The following GRID1 variants were observed in gnomAD, a reference collection of about 807,000 sequenced individuals.
GRID1 encodes glutamate receptor ionotropic, delta-1.
In GRID1, 28 loss-of-function variants were observed where a neutral mutation model predicts 98.0. The observed-to-expected ratio is 0.29, with a 90% CI of 0.21 to 0.39. GRID1 has a LOEUF of 0.39. GRID1 is among the 10% of genes least tolerant of loss of function. The probability of loss-of-function intolerance (pLI) is 1.00; values close to 1 mark genes in which losing one functional copy is unlikely to be tolerated. For missense variants in GRID1, 1,111 were observed against 1,340.5 expected (o/e 0.83, Z 2.67); for synonymous variants, 553 against 538.5 (o/e 1.03, Z -0.37).
chr10:85,903,755 CTG>C (rs1192201530), intron 5 of GRID1, among the ~76,000 whole-genome samples: 1 of 152,216 alleles, frequency 6.6e-6, no homozygotes, highest in East Asian at 1.9e-4. Context: ...ACACTGGCCT[CTG>C]TGCCATTCCT....
chr10:86,128,774 C>A (rs113306475), intron 4 of GRID1, among the ~76,000 whole-genome samples: 1 of 152,178 alleles, frequency 6.6e-6, no homozygotes, highest in Non-Finnish European at 1.5e-5. Context: ...CTTTTCTCAA[C>A]GCCCTTCATG....
chr10:86,193,661 T>G (rs1235128000), intron 3 of GRID1, among the ~76,000 whole-genome samples: 1 of 151,974 alleles, frequency 6.6e-6, no homozygotes, highest in African/African-American at 2.4e-5. Flanking sequence ...CACCATTTCC[T>G]CATTAGTCCC....
intron 4 of GRID1, among the ~76,000 whole-genome samples, chr10:86,037,448 C>T (rs1332815776): frequency 6.6e-6 from 1 of 152,188 alleles, no homozygotes; most frequent in Non-Finnish European, 1.5e-5. Flanking sequence ...ACTGTGAGGA[C>T]TGATGTGCTA....
intron 6 of GRID1, 104 bp from the exon 7 acceptor site, chr10:85,856,294 T>C: frequency 9.9e-7 from 1 of 1,010,660 alleles, no homozygotes; most frequent in Non-Finnish European, 1.5e-6. Flanking sequence ...AACATTAAGC[T>C]GTGGTGCCCA....
intron 4 of GRID1, among the ~76,000 whole-genome samples, chr10:85,976,033 C>T (rs1842468206): frequency 6.6e-6 from 1 of 152,190 alleles, no homozygotes; most frequent in African/African-American, 2.4e-5. Context: ...ACCAGCTCAT[C>T]ACGGGGTGGG....
chr10:85,874,820 T>C (rs1008518213), intron 5 of GRID1, among the ~76,000 whole-genome samples: 2 of 152,152 alleles, frequency 1.3e-5, no homozygotes, highest in Admixed American at 6.5e-5. Flanking sequence ...TCTTTGAATA[T>C]TGGCTATTTT....
At chr10:85,877,338 C>T (rs1006414612) in intron 5 of GRID1, among the ~76,000 whole-genome samples, 2 of 152,252 alleles carry the variant, frequency 1.3e-5, no homozygotes, top group African/African-American at 4.8e-5. Flanking sequence ...AGCAGCCTAA[C>T]TGGGAGGCAC....
intron 4 of GRID1, among the ~76,000 whole-genome samples, chr10:86,075,126 C>T (rs985551020): frequency 2.0e-5 from 3 of 146,356 alleles, no homozygotes; most frequent in Admixed American, 6.9e-5. Context: ...GAAGGCTCCT[C>T]GTTTGTCACT....
At chr10:86,081,175 G>C (rs1843973498) in intron 4 of GRID1, among the ~76,000 whole-genome samples, 1 of 152,156 alleles carries the variant, frequency 6.6e-6, no homozygotes, top group African/African-American at 2.4e-5. Context: ...CTGTCGCCCA[G>C]GCTGGCCCAG....
chr10:86,077,796 A>G (rs1843904114), intron 4 of GRID1, among the ~76,000 whole-genome samples: 1 of 152,218 alleles, frequency 6.6e-6, no homozygotes. Flanking sequence ...AAGCAGACAA[A>G]TCATGGATGG....
At chr10:85,990,581 T>C (rs997658946) in intron 4 of GRID1, among the ~76,000 whole-genome samples, 3 of 152,134 alleles carry the variant, frequency 2.0e-5, no homozygotes, top group African/African-American at 7.2e-5. Flanking sequence ...CCAAAACCTT[T>C]CCAGGAAACC....
At chr10:86,059,367 C>T (rs1386356808) in intron 4 of GRID1, among the ~76,000 whole-genome samples, 1 of 152,234 alleles carries the variant, frequency 6.6e-6, no homozygotes, top group East Asian at 1.9e-4. Context: ...GAACTGTCTT[C>T]AGTTCGCACC....
At chr10:86,132,700 A>T (rs1407340193) in intron 4 of GRID1, among the ~76,000 whole-genome samples, 3 of 152,218 alleles carry the variant, frequency 2.0e-5, no homozygotes, top group Non-Finnish European at 2.9e-5. Flanking sequence ...GAGATTGCTA[A>T]TTTACCTTTG....
At chr10:85,837,521 G>A (rs1007128530) in intron 8 of GRID1, among the ~76,000 whole-genome samples, 1 of 152,156 alleles carries the variant, frequency 6.6e-6, no homozygotes, top group Non-Finnish European at 1.5e-5. Context: ...AGAGCATGCA[G>A]TCCAGGAGTT....
intron 12 of GRID1, among the ~76,000 whole-genome samples, chr10:85,682,841 C>A (rs1184304763): frequency 1.3e-5 from 2 of 152,222 alleles, no homozygotes; most frequent in African/African-American, 4.8e-5. Context: ...GAAAGAATCA[C>A]AAGCCTGCCT....
At chr10:86,073,686 C>A (rs986273873) in intron 4 of GRID1, among the ~76,000 whole-genome samples, 3 of 152,192 alleles carry the variant, frequency 2.0e-5, no homozygotes, top group Non-Finnish European at 4.4e-5. Context: ...AGGTGGGCAC[C>A]ACTTGATGCC....
rs1372046722 is a variant in GRID1 at position 85,938,346 on chromosome 10, C to CCT, written c.727-22109_727-22108dup. 6.6e-5 allele frequency among the ~76,000 whole-genome samples: 10 copies of CCT among 152,312 alleles called. 1 individual carries two copies. Among genetic ancestry groups the CCT allele is most frequent in the African/African-American group, 2.4e-4 (10 of 41,570 alleles). The stretch of plus-strand genomic sequence containing the variant: ...GTGCTCGGATGGGGTCAGAGTCCAC[C>CCT]CTCTACTCTTGCCCTGACTTTCAAT... On this transcript the variant is annotated intron_variant, in intron 4 of 15. Coordinates refer to ENST00000327946, the MANE Select transcript of GRID1 (RefSeq NM_017551.3).
chr10:85,969,909 AT>A (rs1263497369), intron 4 of GRID1, among the ~76,000 whole-genome samples: 1 of 151,992 alleles, frequency 6.6e-6, no homozygotes, highest in East Asian at 1.9e-4. Context: ...CAAAGAGTTG[AT>A]TTTTTTCAAG....
At chr10:85,790,527 C>T (rs1199264058) in intron 8 of GRID1, among the ~76,000 whole-genome samples, 1 of 152,156 alleles carries the variant, frequency 6.6e-6, no homozygotes, top group Non-Finnish European at 1.5e-5. Context: ...AAGGTCCTGT[C>T]TGGGCAGAGG....
Sources: allele counts gnomAD v4.1 joint callset (sites outside exome capture counted in the v4.1 genomes callset), GRCh38; gene constraint gnomAD v4.1.1; transcripts MANE v1.5; gene names NCBI Gene and HGNC (gene_info 2026-07-23, HGNC 2026-07-21).